PDE8B: variants seen among roughly 807,000 people sequenced by gnomAD.
PDE8B encodes high affinity cAMP-specific and IBMX-insensitive 3',5'-cyclic phosphodiesterase 8B.
In PDE8B, 26 loss-of-function variants were observed where a neutral mutation model predicts 101.3. The observed-to-expected ratio is 0.26, with a 90% CI of 0.19 to 0.36. The LOEUF is 0.36. PDE8B is among the 10% of genes least tolerant of loss of function. The probability of loss-of-function intolerance (pLI) is 1.00; values close to 1 mark genes in which losing one functional copy is unlikely to be tolerated. For missense variants in PDE8B, 810 were observed against 1,163.1 expected (o/e 0.70, Z 4.42); for synonymous variants, 424 against 429.3 (o/e 0.99, Z 0.15).
At chr5:77,133,035 C>T in the PDE8B span, among the ~76,000 whole-genome samples, 3 of 152,186 alleles carry the variant, frequency 2.0e-5, no homozygotes, top group Non-Finnish European at 4.4e-5. Flanking sequence ...GACTTTTCCT[C>T]TTTGGAGATG....
At chr5:77,407,527 T>A (rs1478899861) in intron 13 of PDE8B, 70 bp downstream of exon 13, 1 of 1,077,006 alleles carries the variant, frequency 9.3e-7, no homozygotes, top group Non-Finnish European at 1.4e-6. Flanking sequence ...TGAAAATACA[T>A]CACACTGACA....
At chr5:77,292,014 C>T (rs1203200127) in intron 1 of PDE8B, among the ~76,000 whole-genome samples, 6 of 150,222 alleles carry the variant, frequency 4.0e-5, no homozygotes, top group African/African-American at 1.2e-4. Flanking sequence ...AAAAAAAAAC[C>T]ATTTACCACT....
In PDE8B at chr5:77,304,738, TTATA is replaced by T. The variant is rs1172193952; in HGVS notation, c.340-7253_340-7250del. On this transcript the variant is annotated intron_variant, in intron 1 of 21. Transcript: ENST00000264917. ...AACCATGAGTAATCGTCCATCTATA[TTATA>T]TAACAGAAAAACTATGAAAGAGATT... is the stretch of plus-strand genomic sequence containing the variant. 5.9e-5 allele frequency among the ~76,000 whole-genome samples: 9 copies of T among 152,342 alleles called. No homozygotes were observed. In the East Asian group the frequency reaches 1.7e-3, roughly 29 times the overall value.
At chr5:77,385,875 G>A (rs898430228) in intron 10 of PDE8B, among the ~76,000 whole-genome samples, 2 of 133,264 alleles carry the variant, frequency 1.5e-5, no homozygotes, top group Admixed American at 8.7e-5. Flanking sequence ...TGCAACCTCC[G>A]CCTCTCAGGT....
chr5:77,144,439 C>T, the PDE8B span: 1 of 152,168 alleles, frequency 6.6e-6, no homozygotes, highest in African/African-American at 2.4e-5. Context: ...ACGGTAAATA[C>T]AGGACCAATG....
rs772985826 is a variant in PDE8B at position 77,309,941 on chromosome 5, A to ACCTTTTTTTT, written c.340-2053_340-2052insCCTTTTTTTT. Among the ~76,000 whole-genome samples the ACCTTTTTTTT allele has an allele frequency of 1.7e-3, 145 of 83,078 alleles. 14 individuals are homozygous for ACCTTTTTTTT. The highest frequency in any genetic ancestry group is 0.014 in the Middle Eastern group (1 of 72). The allele number at this position is 83,078 out of a possible 152,430, so 54.5% of individuals were successfully genotyped here. A position where few individuals can be genotyped will look rare whatever the true frequency, so the allele number is the denominator to read the frequency against. ...AACTGGTTTCCCTTTTTAATCATTA[A>ACCTTTTTTTT]TCTTTTTTTTTTTTTTTTTTTTTTT... On this transcript the variant is annotated intron_variant, in intron 1 of 21. Transcript: ENST00000264917.
the PDE8B span, among the ~76,000 whole-genome samples, chr5:77,106,404 C>T: frequency 6.6e-6 from 1 of 152,144 alleles, no homozygotes; most frequent in Non-Finnish European, 1.5e-5. Context: ...CACCATTTGC[C>T]GAAGCACCCC....
the PDE8B span, among the ~76,000 whole-genome samples, chr5:77,171,123 C>T: frequency 6.6e-6 from 1 of 152,120 alleles, no homozygotes; most frequent in Admixed American, 6.5e-5. Context: ...TTGGAGAAAG[C>T]TTGATCATTT....
At chr5:77,370,499 T>G (rs1322065179) in intron 10 of PDE8B, among the ~76,000 whole-genome samples, 1 of 152,230 alleles carries the variant, frequency 6.6e-6, no homozygotes, top group Non-Finnish European at 1.5e-5. Context: ...TTGGTTGCTT[T>G]TTACTGCTGA....
chr5:77,215,874 C>G (rs1749578628), intron 1 of PDE8B, among the ~76,000 whole-genome samples: 1 of 152,120 alleles, frequency 6.6e-6, no homozygotes, highest in Non-Finnish European at 1.5e-5. Context: ...GCCAGGCAGG[C>G]AAGGGAAATC....
At chr5:77,342,732 G>A (rs545406746) in intron 6 of PDE8B, among the ~76,000 whole-genome samples, 3 of 152,222 alleles carry the variant, frequency 2.0e-5, no homozygotes, top group East Asian at 3.9e-4. Flanking sequence ...CAAAATGAGA[G>A]TTTGATTCCA....
chr5:77,135,203 GGC>G, the PDE8B span, among the ~76,000 whole-genome samples: 1 of 152,140 alleles, frequency 6.6e-6, no homozygotes, highest in Non-Finnish European at 1.5e-5. Flanking sequence ...GCTTTTCCTA[GGC>G]AGGACTTTCT....
the PDE8B span, chr5:77,180,452 T>G: frequency 1.0e-6 from 1 of 985,380 alleles, no homozygotes; most frequent in Non-Finnish European, 1.2e-6. Flanking sequence ...GCCGCCGGCA[T>G]GGACCAGCTG....
chr5:77,426,724 A>T lies in PDE8B; in HGVS notation c.*170A>T, dbSNP rs1272263078. On this transcript the variant is annotated 3_prime_UTR_variant, in exon 22 of 22. Transcript: ENST00000264917. ...CCCCAAATTTCATTCTTAGAAAGTT[A>T]TGTTCCATGAAGAAAAATATATGTT... 7.7e-6 allele frequency: 5 copies of T among 646,496 alleles called. No homozygotes were observed. In the African/African-American group the frequency reaches 9.2e-5, roughly 12 times the overall value. 40.0% of individuals were successfully genotyped at this position (646,496 alleles called of 1,614,324 possible).
the PDE8B span, among the ~76,000 whole-genome samples, chr5:77,155,271 T>C: frequency 3.3e-5 from 5 of 152,218 alleles, no homozygotes; most frequent in African/African-American, 7.2e-5. Context: ...CTGCAACTAC[T>C]TTTTAAAATG....
the PDE8B span, among the ~76,000 whole-genome samples, chr5:77,102,818 G>A: frequency 6.6e-6 from 1 of 152,278 alleles, no homozygotes; most frequent in Admixed American, 6.5e-5. Context: ...TGTTCCCTGC[G>A]GTGCTCTCTT....
chr5:77,260,174 GA>G (rs1380186646), intron 1 of PDE8B, among the ~76,000 whole-genome samples: 1 of 110,912 alleles, frequency 9.0e-6, no homozygotes. Context: ...AAAAAAAAAA[GA>G]AAAAAAAGAA....
chr5:77,135,473 A>ATT, the PDE8B span, among the ~76,000 whole-genome samples: 2,012 of 121,358 alleles, frequency 0.017, 59 homozygotes, highest in South Asian at 0.046. Flanking sequence ...AGCCAGAGGA[A>ATT]TTTTTTTTTT....
intron 1 of PDE8B, among the ~76,000 whole-genome samples, chr5:77,238,834 A>T (rs921201200): frequency 6.6e-6 from 1 of 152,224 alleles, no homozygotes; most frequent in South Asian, 2.1e-4. Context: ...GCAAGAGAAG[A>T]TGAATGTGCC....
Sources: allele counts gnomAD v4.1 joint callset (sites outside exome capture counted in the v4.1 genomes callset), GRCh38; gene constraint gnomAD v4.1.1; transcripts MANE v1.5; gene names NCBI Gene and HGNC (gene_info 2026-07-23, HGNC 2026-07-21).